The following PTPRD variants were observed in gnomAD, a reference collection of about 807,000 sequenced individuals.
The protein encoded by PTPRD is protein tyrosine phosphatase receptor type D, also known as receptor-type tyrosine-protein phosphatase delta.
Under a neutral mutation model 214.5 loss-of-function variants are expected in PTPRD, and 34 were observed. That is an observed-to-expected ratio of 0.16 (90% CI 0.12 to 0.21). The LOEUF is 0.21. Ranked by LOEUF, PTPRD falls within the 10% of genes least tolerant of loss-of-function variation. The pLI is 1.00. For synonymous variants in PTPRD, 1,128 were observed against 845.7 expected (o/e 1.33, Z -5.79); for missense variants, 2,545 against 2,398.7 (o/e 1.06, Z -1.27).
At chr9:8,900,644 G>A (rs1412544770) in intron 11 of PTPRD, among the ~76,000 whole-genome samples, 2 of 152,174 alleles carry the variant, frequency 1.3e-5, no homozygotes, top group South Asian at 2.1e-4. Context: ...TCATGATGCT[G>A]TAGTAATGAT....
chr9:9,008,362 G>A (rs2099491388), intron 11 of PTPRD, among the ~76,000 whole-genome samples: 1 of 151,694 alleles, frequency 6.6e-6, no homozygotes, highest in Non-Finnish European at 1.5e-5. Flanking sequence ...CGAGTAGCTG[G>A]GACTACAGGC....
chr9:9,531,893 A>G (rs1176704830), intron 8 of PTPRD, among the ~76,000 whole-genome samples: 1 of 152,070 alleles, frequency 6.6e-6, no homozygotes, highest in Non-Finnish European at 1.5e-5. Flanking sequence ...GATTGTAAGT[A>G]TAGATACATG....
At chr9:8,574,906 G>A (rs538949500) in intron 14 of PTPRD, among the ~76,000 whole-genome samples, 2 of 152,114 alleles carry the variant, frequency 1.3e-5, no homozygotes, top group African/African-American at 4.8e-5. Flanking sequence ...GAATATGCAT[G>A]CCCAAGAAGA....
intron 26 of PTPRD, among the ~76,000 whole-genome samples, chr9:8,496,982 A>C (rs2097289298): frequency 6.6e-6 from 1 of 152,224 alleles, no homozygotes; most frequent in South Asian, 2.1e-4. Context: ...TCTGACTGTC[A>C]CAAGGCAGAG....
intron 11 of PTPRD, among the ~76,000 whole-genome samples, chr9:8,788,353 A>G (rs1472654029): frequency 7.1e-6 from 1 of 140,768 alleles, no homozygotes; most frequent in Non-Finnish European, 1.5e-5. Context: ...TCAGCTCACC[A>G]CAACCTCCGC....
intron 5 of PTPRD, among the ~76,000 whole-genome samples, chr9:9,792,612 A>G (rs2098975613): frequency 6.6e-6 from 1 of 152,156 alleles, no homozygotes; most frequent in African/African-American, 2.4e-5. Flanking sequence ...TATTACATAC[A>G]TTGCTTCAAA....
intron 12 of PTPRD, among the ~76,000 whole-genome samples, chr9:8,700,094 T>C (rs1175645181): frequency 2.0e-5 from 3 of 152,208 alleles, no homozygotes; most frequent in East Asian, 1.9e-4. Context: ...TTCCTTATTA[T>C]CCCATGGGCC....
chr9:9,151,017 C>A (rs1293281270), intron 10 of PTPRD, among the ~76,000 whole-genome samples: 2 of 152,144 alleles, frequency 1.3e-5, no homozygotes, highest in African/African-American at 2.4e-5. Context: ...AATGTTACCA[C>A]TAGACTAATA....
intron 2 of PTPRD, chr9:10,532,269 T>G (rs2056574267): frequency 6.5e-6 from 1 of 153,934 alleles, no homozygotes; most frequent in Admixed American, 6.5e-5. Context: ...AAGAACAAAC[T>G]GAGGAAACTG....
chr9:8,625,089 T>C (rs933170141), intron 14 of PTPRD, among the ~76,000 whole-genome samples: 2 of 151,754 alleles, frequency 1.3e-5, no homozygotes, highest in African/African-American at 2.4e-5. Context: ...ATGGAGCTTA[T>C]ACACAAAGGA....
chr9:10,000,172 G>T (rs377095116), intron 4 of PTPRD, among the ~76,000 whole-genome samples: 11 of 152,124 alleles, frequency 7.2e-5, no homozygotes, highest in African/African-American at 2.7e-4. Flanking sequence ...CAAGGAAAAT[G>T]TTGCTTTTAT....
At chr9:8,376,524 C>A (rs1166318948) in intron 38 of PTPRD, 83 bp downstream of exon 38, 7 of 1,577,172 alleles carry the variant, frequency 4.4e-6, no homozygotes, top group Non-Finnish European at 5.2e-6. Flanking sequence ...TTAAGTAAAG[C>A]CTTAAGAGAT....
rs747439831 is a variant in PTPRD at position 8,485,820 on chromosome 9, G to C, written c.2997C>G (p.Ser999Arg). 3 of 1,614,038 alleles carry C rather than the reference G, an allele frequency of 1.9e-6. No homozygotes were observed. The Admixed American group carries it at 5.0e-5, about 27-fold the overall frequency. Residue 999 changes from serine (S) to arginine (R), a missense_variant, in exon 28 of 46, where the codon AGC (serine) becomes AGG (arginine). Physicochemically the swap from Ser to Arg is moderately radical, Grantham distance 110 (BLOSUM62 -1). Transcript: ENST00000381196. ...TGGGACTATATGGCCCGGGCCCTTT[G>C]CTCGTATGAGCACGTACTTTTACAT... Reference protein sequence around the residue: ...TYDVKVRAHTSKGPGPYSPSV... With the variant: ...TYDVKVRAHTRKGPGPYSPSV...
intron 3 of PTPRD, among the ~76,000 whole-genome samples, chr9:10,178,621 G>A (rs182336725): frequency 1.7e-3 from 265 of 152,046 alleles, no homozygotes; most frequent in African/African-American, 6.2e-3. Flanking sequence ...CAAATTGCTG[G>A]CCTCCTACAC....
At chr9:8,945,545 A>T (rs544179037) in intron 11 of PTPRD, among the ~76,000 whole-genome samples, 18 of 152,172 alleles carry the variant, frequency 1.2e-4, no homozygotes, top group African/African-American at 4.3e-4. Flanking sequence ...AGATACTCCT[A>T]CAGAGTATCT....
intron 9 of PTPRD, among the ~76,000 whole-genome samples, chr9:9,297,453 A>T (rs1233481233): frequency 6.6e-6 from 1 of 151,574 alleles, no homozygotes; most frequent in Non-Finnish European, 1.5e-5. Flanking sequence ...AAAACATTGA[A>T]ACAAAAAAAT....
chr9:8,672,202 C>A (rs148820350), intron 12 of PTPRD, among the ~76,000 whole-genome samples: 1 of 152,198 alleles, frequency 6.6e-6, no homozygotes, highest in African/African-American at 2.4e-5. Flanking sequence ...ACCTCTAGAT[C>A]TTCTTAAATC....
intron 7 of PTPRD, among the ~76,000 whole-genome samples, chr9:9,646,031 T>G (rs947101228): frequency 6.6e-6 from 1 of 152,220 alleles, no homozygotes; most frequent in Non-Finnish European, 1.5e-5. Context: ...CTGTTTTGTG[T>G]TGCTTTAGAA....
At chr9:8,695,744 T>C (rs2097898726) in intron 12 of PTPRD, among the ~76,000 whole-genome samples, 1 of 152,198 alleles carries the variant, frequency 6.6e-6, no homozygotes, top group Non-Finnish European at 1.5e-5. Context: ...CTATGATAAA[T>C]CAAATCATAT....
Sources: gnomAD v4.1 joint callset for allele counts (sites outside exome capture counted in the v4.1 genomes callset) on GRCh38, gnomAD v4.1.1 for gene constraint, MANE v1.5 for transcripts, NCBI Gene and HGNC (gene_info 2026-07-23, HGNC 2026-07-21) for gene names.